Variants in GPR89A observed in about 807,000 individuals in gnomAD.
GPR89A encodes the protein golgi pH regulator A.
A neutral mutation model predicts 52.0 loss-of-function variants in GPR89A; 16 were observed. The observed-to-expected ratio is 0.31, with a 90% CI of 0.21 to 0.47. The LOEUF is 0.47. Among genes scored for constraint, GPR89A ranks in the 20% least tolerant of loss-of-function variants. GPR89A has a pLI of 1.00. For synonymous variants in GPR89A, 55 were observed against 150.9 expected (o/e 0.36, Z 4.66); for missense variants, 135 against 449.4 (o/e 0.30, Z 6.33).
At chr1:145,612,485 A>G (rs1553686337) in intron 1 of GPR89A, among the ~76,000 whole-genome samples, 1 of 152,200 alleles carries the variant, frequency 6.6e-6, no homozygotes, top group African/African-American at 2.4e-5. Flanking sequence ...AAAAAAGCAC[A>G]GATTTTGGAG....
intron 10 of GPR89A, among the ~76,000 whole-genome samples, chr1:145,658,671 T>C (rs1257067394): frequency 6.6e-6 from 1 of 150,746 alleles, no homozygotes; most frequent in Non-Finnish European, 1.5e-5. Flanking sequence ...TCTATTTCAT[T>C]TTATAGGTAC....
chr1:145,647,039 GT>G lies in GPR89A; in HGVS notation c.817-134del, dbSNP rs1308931200. 48 of 1,364,116 alleles carry G rather than the reference GT, an allele frequency of 3.5e-5. No homozygotes were observed. The African/African-American group carries it at 5.0e-4, about 14-fold the overall frequency. 84.5% of individuals were successfully genotyped at this position (1,364,116 alleles called of 1,614,324 possible). ...TCAGTAAATGCTGGCCACAACTACTGTTATTAGTTTAATATTATTACAATGT... is the reference window on the plus strand; with the variant it reads ...TCAGTAAATGCTGGCCACAACTACTGTATTAGTTTAATATTATTACAATGT... On this transcript the variant is annotated intron_variant, in intron 9 of 13. Transcript: ENST00000313835.
At chr1:145,637,339 C>G (rs1447709997) in intron 7 of GPR89A, among the ~76,000 whole-genome samples, 6 of 146,914 alleles carry the variant, frequency 4.1e-5, no homozygotes, top group African/African-American at 1.5e-4. Context: ...TAGAATTTGT[C>G]CAGACTACCA....
Position 145,646,218 on chromosome 1 carries a change from G to C in GPR89A, c.762G>C (p.Leu254Phe), listed in dbSNP as rs1553692509. The part of the protein sequence containing the change: ...LTLIQQEVDA[L>F]EELSRQLFLE... ...TTATTCAACAGGAAGTGGATGCTTTGGAAGAATTAAGCAGGCAGCTTTTTC... is the reference window on the plus strand; with the variant it reads ...TTATTCAACAGGAAGTGGATGCTTTCGAAGAATTAAGCAGGCAGCTTTTTC... The change falls in exon 9 of 14, where the codon TTG becomes TTC. Residue 254 changes from leucine (L) to phenylalanine (F), a missense_variant. Transcript: ENST00000313835. 5.6e-6 allele frequency: 9 copies of C among 1,611,804 alleles called. No homozygotes were observed. The highest frequency in any genetic ancestry group is 4.0e-5 in the African/African-American group (3 of 74,686).
chr1:145,612,071 AC>A (rs1648324888), intron 1 of GPR89A: 2 of 151,920 alleles, frequency 1.3e-5, no homozygotes, highest in East Asian at 3.9e-4. Context: ...CAGGAGTTTA[AC>A]CCTCAGCTCA....
intron 7 of GPR89A, among the ~76,000 whole-genome samples, chr1:145,640,057 A>C (rs1416868573): frequency 1.3e-5 from 2 of 151,988 alleles, no homozygotes; most frequent in Non-Finnish European, 2.9e-5. Context: ...GTCTCTACTA[A>C]AAATACAAAA....
At chr1:145,613,553 CTCCTT>C (rs1648451613) in intron 1 of GPR89A, among the ~76,000 whole-genome samples, 1 of 152,018 alleles carries the variant, frequency 6.6e-6, no homozygotes, top group Non-Finnish European at 1.5e-5. Flanking sequence ...ATAATCTAAG[CTCCTT>C]AGGGTGGCCT....
At chr1:145,629,668 G>A (rs1442797843) in intron 5 of GPR89A, among the ~76,000 whole-genome samples, 8 of 152,042 alleles carry the variant, frequency 5.3e-5, no homozygotes, top group East Asian at 3.9e-4. Flanking sequence ...TAGGATTAGC[G>A]CTTCAGAAGG....
intron 3 of GPR89A, among the ~76,000 whole-genome samples, chr1:145,621,701 T>G (rs1649149171): frequency 6.6e-6 from 1 of 151,922 alleles, no homozygotes; most frequent in Admixed American, 6.6e-5. Flanking sequence ...GGGACTCGTA[T>G]CTAGAATATA....
chr1:145,659,863 A>G (rs1652071876), intron 10 of GPR89A, among the ~76,000 whole-genome samples: 2 of 143,088 alleles, frequency 1.4e-5, no homozygotes, highest in South Asian at 4.6e-4. Flanking sequence ...TACCTTGGGC[A>G]GTATGGCCAT....
intron 10 of GPR89A, among the ~76,000 whole-genome samples, chr1:145,654,483 G>A (rs1463475244): frequency 6.6e-6 from 1 of 150,410 alleles, no homozygotes; most frequent in Non-Finnish European, 1.5e-5. Flanking sequence ...AACCCAGGAG[G>A]TGGAGGTTGC....
intron 10 of GPR89A, among the ~76,000 whole-genome samples, chr1:145,654,328 C>CAG (rs1388632140): frequency 1.3e-5 from 2 of 151,842 alleles, no homozygotes; most frequent in Admixed American, 6.6e-5. Flanking sequence ...CCGAGGCGGG[C>CAG]AGATCACGAG....
At chr1:145,615,161 A>G (rs1370744891) in intron 1 of GPR89A, among the ~76,000 whole-genome samples, 1 of 152,120 alleles carries the variant, frequency 6.6e-6, no homozygotes, top group Admixed American at 6.5e-5. Flanking sequence ...CGAAAGAGGG[A>G]TCCTGCAATC....
chr1:145,622,992 A>T (rs1269863549), intron 3 of GPR89A, 62 bp from the exon 4 acceptor site: 1 of 1,597,892 alleles, frequency 6.3e-7, no homozygotes, highest in Non-Finnish European at 8.5e-7. Context: ...TTGGAAGACT[A>T]AAGAGAAAGA....
intron 10 of GPR89A, among the ~76,000 whole-genome samples, chr1:145,660,787 A>G (rs1476974420): frequency 6.6e-6 from 1 of 151,800 alleles, no homozygotes; most frequent in Non-Finnish European, 1.5e-5. Flanking sequence ...AATGGCAATC[A>G]TTAAAAAGTC....
Position 145,622,943 on chromosome 1 carries a change from G to C in GPR89A, c.207-111G>C, listed in dbSNP as rs587644265. ...AGAGCCTAGTAGGCTGATTAGATAGGATATATTCAATATTGAGTCCAAAGA... is the reference window on the plus strand; with the variant it reads ...AGAGCCTAGTAGGCTGATTAGATAGCATATATTCAATATTGAGTCCAAAGA... On this transcript the variant is annotated intron_variant, in intron 3 of 13. Coordinates refer to ENST00000313835, the MANE Select transcript of GPR89A (RefSeq NM_001097612.2). 17 of 1,546,818 alleles carry C rather than the reference G, an allele frequency of 1.1e-5. No homozygotes were observed. In the Admixed American group the frequency reaches 2.8e-4, roughly 25 times the overall value.
intron 1 of GPR89A, among the ~76,000 whole-genome samples, chr1:145,613,087 A>G (rs1648417352): frequency 6.6e-6 from 1 of 151,164 alleles, no homozygotes; most frequent in Non-Finnish European, 1.5e-5. Context: ...TGCCTTCACA[A>G]TCTGTCTTTT....
In GPR89A at chr1:145,620,132, A is replaced by T. The variant is rs587651103; in HGVS notation, c.206+1709A>T. 8.8e-4 allele frequency among the ~76,000 whole-genome samples: 134 copies of T among 152,292 alleles called. 2 individuals carry two copies. The South Asian group carries it at 0.026, about 29-fold the overall frequency. ...TACATAATGGTTATTAAATTTTATT[A>T]TCACAACCTGCATCTTTCACTGCTA... On this transcript the variant is annotated intron_variant, in intron 3 of 13. Transcript: ENST00000313835.
intron 8 of GPR89A, chr1:145,645,902 CTAGT>C (rs1650950026): frequency 1.9e-6 from 1 of 530,758 alleles, no homozygotes; most frequent in Admixed American, 3.1e-5. Flanking sequence ...CTTAATCTAA[CTAGT>C]TAAATCAAAA....
Sources: allele counts gnomAD v4.1 joint callset (sites outside exome capture counted in the v4.1 genomes callset), GRCh38; gene constraint gnomAD v4.1.1; transcripts MANE v1.5; gene names NCBI Gene and HGNC (gene_info 2026-07-23, HGNC 2026-07-21).